BORCS5: variants seen among roughly 807,000 people sequenced by gnomAD.
BORCS5 encodes BLOC-1-related complex subunit 5.
Under a neutral mutation model 22.1 loss-of-function variants are expected in BORCS5, and 17 were observed. The observed-to-expected ratio is 0.77, with a 90% confidence interval of 0.53 to 1.15. The LOEUF (loss-of-function observed/expected upper bound fraction) is 1.15. Ranked by LOEUF, BORCS5 falls within the 50% of genes most tolerant of loss-of-function variation. The pLI is 0.00. For synonymous variants in BORCS5, 117 were observed against 99.8 expected (o/e 1.17, Z -1.03); for missense variants, 247 against 253.2 (o/e 0.98, Z 0.17).
chr12:12,390,308 C>T (rs1290377719), intron 2 of BORCS5, among the ~76,000 whole-genome samples: 1 of 152,088 alleles, frequency 6.6e-6, no homozygotes, highest in Non-Finnish European at 1.5e-5. Context: ...TTGTCTTAGA[C>T]CATCTCCTTC....
chr12:12,409,598 A>G (rs1020538072), intron 2 of BORCS5, among the ~76,000 whole-genome samples: 13 of 152,250 alleles, frequency 8.5e-5, no homozygotes, highest in Admixed American at 3.3e-4. Context: ...CATGGTATAT[A>G]TGTGCCACAT....
intron 2 of BORCS5, among the ~76,000 whole-genome samples, chr12:12,395,161 G>T (rs1362635797): frequency 6.6e-6 from 1 of 152,006 alleles, no homozygotes; most frequent in Admixed American, 6.6e-5. Context: ...TCTGAGCAAA[G>T]TGGGTCTGAA....
chr12:12,457,451 C>T (rs1161222249), intron 3 of BORCS5, among the ~76,000 whole-genome samples: 2 of 152,186 alleles, frequency 1.3e-5, no homozygotes, highest in East Asian at 1.9e-4. Flanking sequence ...GGGCGGATCA[C>T]GAGGTCAGGA....
chr12:12,414,763 GC>G (rs1454769509), intron 2 of BORCS5, among the ~76,000 whole-genome samples: 2 of 135,318 alleles, frequency 1.5e-5, no homozygotes, highest in Non-Finnish European at 3.2e-5. Flanking sequence ...CGGGGTGGCT[GC>G]CGGACGGAGG....
chr12:12,450,961 A>G (rs1298998537), intron 3 of BORCS5, among the ~76,000 whole-genome samples: 1 of 152,182 alleles, frequency 6.6e-6, no homozygotes, highest in African/African-American at 2.4e-5. Context: ...TAACTAGAGA[A>G]TTTGTGTATA....
chr12:12,374,628 CAAAT>C (rs1592062539), intron 2 of BORCS5, among the ~76,000 whole-genome samples: 1 of 150,132 alleles, frequency 6.7e-6, no homozygotes, highest in East Asian at 2.0e-4. Context: ...GACCCTGTCT[CAAAT>C]AAAATAAAAT....
intron 3 of BORCS5, 113 bp downstream of exon 3, chr12:12,435,898 T>C (rs985481105): frequency 2.6e-5 from 27 of 1,057,326 alleles, no homozygotes; most frequent in Non-Finnish European, 3.5e-5. Context: ...AGATTGCTTT[T>C]TCCCAGCAGT....
At chr12:12,380,589 C>T (rs1863755045) in intron 2 of BORCS5, among the ~76,000 whole-genome samples, 1 of 151,398 alleles carries the variant, frequency 6.6e-6, no homozygotes, top group Non-Finnish European at 1.5e-5. Flanking sequence ...CCTTTGTGAC[C>T]ATGTGTTCAT....
At chr12:12,457,525 T>C (rs1943019428) in intron 3 of BORCS5, among the ~76,000 whole-genome samples, 1 of 152,092 alleles carries the variant, frequency 6.6e-6, no homozygotes, top group South Asian at 2.1e-4. Context: ...AAAAATTAGC[T>C]GGGCGAGGTG....
At chr12:12,417,008 C>G (rs1261511265) in intron 2 of BORCS5, among the ~76,000 whole-genome samples, 2 of 150,630 alleles carry the variant, frequency 1.3e-5, no homozygotes, top group African/African-American at 2.4e-5. Context: ...CCAGGCTGGT[C>G]TTGAACACTT....
intron 2 of BORCS5, among the ~76,000 whole-genome samples, chr12:12,362,092 TA>T (rs1565824089): frequency 6.6e-6 from 1 of 152,222 alleles, no homozygotes; most frequent in African/African-American, 2.4e-5. Flanking sequence ...TAACTTGGTA[TA>T]ATACAGTGTA....
Position 12,466,453 on chromosome 12 carries a change from G to C in BORCS5, c.*677G>C, listed in dbSNP as rs1264570024. Reference sequence around the variant, plus strand: ...GTTTCCTTGATGCAGACATAGTTTAGCTTTCTTTGACTGCAGAGATGTCTC... The same window carrying C: ...GTTTCCTTGATGCAGACATAGTTTACCTTTCTTTGACTGCAGAGATGTCTC... On this transcript the variant is annotated 3_prime_UTR_variant, in exon 4 of 4. Coordinates refer to ENST00000314565, the MANE Select transcript of BORCS5 (RefSeq NM_058169.6). 6.6e-6 allele frequency: 1 copy of C among 152,162 alleles called. No homozygotes were observed. Among genetic ancestry groups the C allele is most frequent in the African/African-American group, 2.4e-5 (1 of 41,410 alleles). 9.4% of individuals were successfully genotyped at this position (152,162 alleles called of 1,614,324 possible). A position where few individuals can be genotyped will look rare whatever the true frequency, so the allele number is the denominator to read the frequency against.
At chr12:12,441,782 T>C (rs1447846648) in intron 3 of BORCS5, among the ~76,000 whole-genome samples, 1 of 152,104 alleles carries the variant, frequency 6.6e-6, no homozygotes, top group Admixed American at 6.6e-5. Flanking sequence ...TTTCATGCCA[T>C]GAATATGTAG....
chr12:12,434,587 A>G (rs1942513712), intron 2 of BORCS5, among the ~76,000 whole-genome samples: 1 of 152,244 alleles, frequency 6.6e-6, no homozygotes. Flanking sequence ...AGCAGCTATG[A>G]TATTCCAGCT....
chr12:12,455,190 A>G (rs1942976745), intron 3 of BORCS5, among the ~76,000 whole-genome samples: 1 of 152,236 alleles, frequency 6.6e-6, no homozygotes. Flanking sequence ...TTTTGAACCC[A>G]GAAGGAAATC....
intron 2 of BORCS5, among the ~76,000 whole-genome samples, chr12:12,388,716 A>T (rs189458669): frequency 5.3e-5 from 8 of 151,054 alleles, no homozygotes; most frequent in Admixed American, 1.3e-4. Flanking sequence ...TCTGAGGACC[A>T]GAGGATGGCT....
intron 3 of BORCS5, among the ~76,000 whole-genome samples, chr12:12,443,193 T>G (rs1206177662): frequency 1.3e-5 from 2 of 152,244 alleles, no homozygotes; most frequent in Admixed American, 1.3e-4. Context: ...AAATATATTT[T>G]GGCTTCAGTT....
intron 3 of BORCS5, among the ~76,000 whole-genome samples, chr12:12,437,155 A>C (rs7315626): frequency 0.62 from 94,712 of 152,046 alleles, 30,652 homozygotes; most frequent in African/African-American, 0.79. Flanking sequence ...GGAGGGACCC[A>C]GTGGGAGGTA....
chr12:12,448,566 T>G (rs1348551997), intron 3 of BORCS5, among the ~76,000 whole-genome samples: 4 of 150,584 alleles, frequency 2.7e-5, no homozygotes, highest in Non-Finnish European at 5.9e-5. Flanking sequence ...ATTTTCGCTC[T>G]TTCGCCCATG....
Sources: allele counts gnomAD v4.1 joint callset (sites outside exome capture counted in the v4.1 genomes callset), GRCh38; gene constraint gnomAD v4.1.1; transcripts MANE v1.5; gene names NCBI Gene and HGNC (gene_info 2026-07-23, HGNC 2026-07-21).